SLC22A23: variants seen among roughly 807,000 people sequenced by gnomAD.
The protein encoded by SLC22A23 is solute carrier family 22 member 23.
SLC22A23 carries 26 observed loss-of-function variants against 61.0 expected under a neutral mutation model. The observed-to-expected ratio is 0.43, with a 90% confidence interval of 0.31 to 0.59. The LOEUF (loss-of-function observed/expected upper bound fraction) is 0.59. Ranked by LOEUF, SLC22A23 falls within the 20% of genes least tolerant of loss-of-function variation. The probability of loss-of-function intolerance (pLI) is 0.11; values close to 1 mark genes in which losing one functional copy is unlikely to be tolerated. For missense variants in SLC22A23, 796 were observed against 934.7 expected, an observed-to-expected ratio of 0.85 and a Z score of 1.94; for synonymous variants, 430 against 413.9, an observed-to-expected ratio of 1.04 and a Z score of -0.47.
At chr6:3,440,268 C>T (rs190956436) in intron 1 of SLC22A23, among the ~76,000 whole-genome samples, 68 of 152,266 alleles carry the variant, frequency 4.5e-4, no homozygotes, top group Admixed American at 4.4e-3. Context: ...TGTACTGTCC[C>T]CTCAAAGCTC....
chr6:3,289,605 G>C (rs1003046283), intron 6 of SLC22A23, among the ~76,000 whole-genome samples, 159 bp downstream of exon 6: 3 of 152,188 alleles, frequency 2.0e-5, no homozygotes, highest in Non-Finnish European at 2.9e-5. Flanking sequence ...TTCCGGGAGC[G>C]GGGGAGGTCA....
chr6:3,289,719 C>T, intron 6 of SLC22A23, 45 bp downstream of exon 6: 2 of 1,548,900 alleles, frequency 1.3e-6, no homozygotes, highest in African/African-American at 1.4e-5. Context: ...CACCTTCTTC[C>T]CTGGCCCCCT....
rs1482019312 is a variant in SLC22A23 at position 3,410,812 on chromosome 6, C to G, written c.759-470G>C. Among the ~76,000 whole-genome samples the G allele has an allele frequency of 6.6e-6, 1 of 152,182 alleles. No individual in the cohort carries two copies. The highest frequency in any genetic ancestry group is 6.5e-5 in the Admixed American group (1 of 15,276). Reference sequence around the variant, plus strand: ...CCCAGGTTGTTAACTAAGTCAGATACCTGATCCTACACACAGCCTATCCGA... The same window carrying G: ...CCCAGGTTGTTAACTAAGTCAGATAGCTGATCCTACACACAGCCTATCCGA... On this transcript the variant is annotated intron_variant, in intron 2 of 9. Coordinates refer to ENST00000406686, the MANE Select transcript of SLC22A23 (RefSeq NM_015482.2). The surrounding 1 kb of genome is among the most constrained non-coding windows in gnomAD (Gnocchi z 5.0).
Position 3,298,209 on chromosome 6 carries a change from G to T in SLC22A23, c.1092C>A (p.Pro364=). The change falls in exon 5 of 10, where the codon CCC becomes CCA. Residue 364 remains proline, a synonymous_variant. Transcript: ENST00000406686. The part of the protein sequence containing the change: ...LLMLLYWSIF[P]ESLRWLMATQ... Reference sequence around the variant, plus strand: ...TGGCCATTAGCCACCGGAGGGACTCGGGGAATATCCTTTAAAGACACAAAG... The same window carrying T: ...TGGCCATTAGCCACCGGAGGGACTCTGGGAATATCCTTTAAAGACACAAAG... 6.3e-7 allele frequency: 1 copy of T among 1,595,016 alleles called. No individual in the cohort carries two copies. Among genetic ancestry groups the T allele is most frequent in the South Asian group, 1.1e-5 (1 of 87,682 alleles).
intron 6 of SLC22A23, among the ~76,000 whole-genome samples, chr6:3,288,883 T>C (rs1316216199): frequency 6.6e-6 from 1 of 152,226 alleles, no homozygotes; most frequent in African/African-American, 2.4e-5. Flanking sequence ...TAGAGCCTCT[T>C]GTACTCCTCA....
At chr6:3,424,587 C>T (rs1333781000) in intron 1 of SLC22A23, among the ~76,000 whole-genome samples, 1 of 152,216 alleles carries the variant, frequency 6.6e-6, no homozygotes, top group East Asian at 1.9e-4. Flanking sequence ...TCTGAAGCAT[C>T]CTGTACTCAT....
chr6:3,419,777 C>G (rs924641537), intron 1 of SLC22A23, among the ~76,000 whole-genome samples: 4 of 152,232 alleles, frequency 2.6e-5, no homozygotes, highest in Non-Finnish European at 5.9e-5. Flanking sequence ...TCCCTGTATT[C>G]AGTCCCTATC....
intron 4 of SLC22A23, among the ~76,000 whole-genome samples, chr6:3,302,691 A>C (rs1334749558): frequency 6.6e-6 from 1 of 152,046 alleles, no homozygotes; most frequent in Non-Finnish European, 1.5e-5. Context: ...TCCTTCACCC[A>C]TTGGTTGTTC....
intron 3 of SLC22A23, among the ~76,000 whole-genome samples, chr6:3,378,440 C>T (rs1300780710): frequency 6.6e-6 from 1 of 152,162 alleles, no homozygotes; most frequent in Non-Finnish European, 1.5e-5. Context: ...GCTGCTGTTG[C>T]TACTGAGGCA....
chr6:3,369,273 C>T (rs1317089711), intron 3 of SLC22A23, among the ~76,000 whole-genome samples: 2 of 152,166 alleles, frequency 1.3e-5, no homozygotes, highest in Non-Finnish European at 2.9e-5. Context: ...GGACTACAGC[C>T]TGAGCATTCT....
chr6:3,402,132 T>G (rs1768434198), intron 3 of SLC22A23, among the ~76,000 whole-genome samples: 1 of 152,232 alleles, frequency 6.6e-6, no homozygotes, highest in Non-Finnish European at 1.5e-5. Context: ...GCTGTGATTC[T>G]GCATCCTCAG....
Position 3,390,737 on chromosome 6 carries a change from C to T in SLC22A23, c.913+19451G>A, listed in dbSNP as rs1359117867. ...ATGTATCAGTGGACCCCAAGTGGGG[C>T]TATGGAGTGTACTAAACATCATCAC... On this transcript the variant is annotated intron_variant, in intron 3 of 9. Transcript: ENST00000406686. This position sits in a 1 kb window ranked among gnomAD's most constrained non-coding sequence, Gnocchi z 4.0. Among the ~76,000 whole-genome samples, 1 of 152,200 alleles carries T rather than the reference C, an allele frequency of 6.6e-6. No homozygotes were observed. Among genetic ancestry groups the T allele is most frequent in the Non-Finnish European group, 1.5e-5 (1 of 68,040 alleles).
intron 4 of SLC22A23, among the ~76,000 whole-genome samples, chr6:3,319,439 G>C (rs1296107309): frequency 2.0e-5 from 3 of 152,172 alleles, no homozygotes; most frequent in Admixed American, 6.5e-5. Context: ...TTGGTACGTA[G>C]CACTATTTAA....
intron 1 of SLC22A23, among the ~76,000 whole-genome samples, chr6:3,448,876 T>C (rs980587728): frequency 6.6e-6 from 1 of 151,958 alleles, no homozygotes; most frequent in Admixed American, 6.6e-5. Context: ...CTGCAGAAAA[T>C]GTTGCTACAG....
At chr6:3,282,312 C>T (rs1281033356) in intron 9 of SLC22A23, 1 of 702,578 alleles carries the variant, frequency 1.4e-6, no homozygotes. Flanking sequence ...TCATCTCTCC[C>T]CTGTGGCTGA....
intron 1 of SLC22A23, chr6:3,432,393 G>A: frequency 5.1e-6 from 5 of 985,452 alleles, no homozygotes; most frequent in Non-Finnish European, 6.0e-6. Context: ...AATTGCTTTT[G>A]CAGAACCTAA....
intron 1 of SLC22A23, among the ~76,000 whole-genome samples, chr6:3,424,445 G>A (rs369448279): frequency 1.1e-4 from 16 of 152,074 alleles, no homozygotes; most frequent in Admixed American, 9.2e-4. Flanking sequence ...TATTACTTTC[G>A]CAAGCACACA....
intron 3 of SLC22A23, among the ~76,000 whole-genome samples, chr6:3,345,691 G>A (rs767731819): frequency 1.3e-5 from 2 of 152,068 alleles, no homozygotes; most frequent in African/African-American, 4.8e-5. Flanking sequence ...CTAAAAATAT[G>A]GTGCCCTTCC....
chr6:3,451,206 A>G (rs1296311743), intron 1 of SLC22A23, among the ~76,000 whole-genome samples: 1 of 152,222 alleles, frequency 6.6e-6, no homozygotes, highest in East Asian at 1.9e-4. Context: ...GCAAATTATT[A>G]TTATTTTTTG....
Sources: gnomAD v4.1 joint callset for allele counts (sites outside exome capture counted in the v4.1 genomes callset) on GRCh38, gnomAD v4.1.1 for gene constraint, Gnocchi (gnomAD v3.1) non-coding constraint, MANE v1.5 for transcripts, NCBI Gene and HGNC (gene_info 2026-07-23, HGNC 2026-07-21) for gene names.